SLC25A13: variants seen among roughly 807,000 people sequenced by gnomAD.
The protein encoded by SLC25A13 is solute carrier family 25 member 13.
Under a neutral mutation model 85.5 loss-of-function variants are expected in SLC25A13, and 70 were observed. The observed-to-expected ratio is 0.82, with a 90% CI of 0.68 to 1.00. SLC25A13 has a LOEUF of 1.00. Among genes scored for constraint, SLC25A13 ranks in the 50% least tolerant of loss-of-function variants. SLC25A13 has a pLI of 0.00. For missense variants in SLC25A13, 765 were observed against 819.8 expected (o/e 0.93, Z 0.82); for synonymous variants, 259 against 288.7 (o/e 0.90, Z 1.04).
At chr7:96,270,810 G>A (rs1018967402) in intron 3 of SLC25A13, among the ~76,000 whole-genome samples, 1 of 152,156 alleles carries the variant, frequency 6.6e-6, no homozygotes, top group Admixed American at 6.5e-5. Context: ...TAAATCAAGA[G>A]TTCAGTACGG....
rs755788193 is a variant in SLC25A13 at position 96,209,013 on chromosome 7, T to C, written c.329-36A>G. On this transcript the variant is annotated intron_variant, in intron 4 of 17. Coordinates refer to ENST00000265631, the MANE Select transcript of SLC25A13 (RefSeq NM_014251.3). ...AAAAGACAGGTTGATTAAAACAAAGTAAATGAAGTTCTTTCTGATAAAATC... is the reference window on the plus strand; with the variant it reads ...AAAAGACAGGTTGATTAAAACAAAGCAAATGAAGTTCTTTCTGATAAAATC... 5 of 1,607,552 alleles carry C rather than the reference T, an allele frequency of 3.1e-6. No individual in the cohort carries two copies. In the South Asian group the frequency reaches 5.5e-5, roughly 18 times the overall value.
intron 14 of SLC25A13, among the ~76,000 whole-genome samples, chr7:96,135,858 GTTT>G (rs57884645): frequency 7.5e-5 from 10 of 132,972 alleles, no homozygotes; most frequent in Admixed American, 1.5e-4. Flanking sequence ...TCCTGCTTTG[GTTT>G]TTTTTTTTTT....
chr7:96,240,437 G>A (rs920671816), intron 3 of SLC25A13, among the ~76,000 whole-genome samples: 3 of 152,144 alleles, frequency 2.0e-5, no homozygotes, highest in African/African-American at 4.8e-5. Context: ...CTACATGTTT[G>A]GCAGAGGGCA....
intron 3 of SLC25A13, among the ~76,000 whole-genome samples, chr7:96,258,445 GA>G (rs1219789075): frequency 6.6e-6 from 1 of 152,118 alleles, no homozygotes; most frequent in Non-Finnish European, 1.5e-5. Flanking sequence ...GCCAGATCAT[GA>G]GCAAACTCCC....
At chr7:96,190,831 T>C (rs1794820137) in intron 7 of SLC25A13, among the ~76,000 whole-genome samples, 1 of 152,160 alleles carries the variant, frequency 6.6e-6, no homozygotes, top group Admixed American at 6.5e-5. Flanking sequence ...CAGGCTGGTC[T>C]CGAACTCCTG....
intron 3 of SLC25A13, among the ~76,000 whole-genome samples, chr7:96,240,980 A>AGAGGGGAGGGCAGGG (rs1554363699): frequency 6.9e-5 from 1 of 14,598 alleles, no homozygotes; most frequent in African/African-American, 2.5e-4. Flanking sequence ...AAAGGAGAGG[A>AGAGGGGAGGGCAGGG]GAGGGGAGGG....
At chr7:96,184,506 G>A (rs1374235686) in intron 10 of SLC25A13, 71 bp from the exon 11 acceptor site, 2 of 1,449,606 alleles carry the variant, frequency 1.4e-6, no homozygotes, top group South Asian at 1.2e-5. Context: ...GGTAGTTAAA[G>A]TCAAGGACAA....
At chr7:96,252,443 GA>G (rs1797468660) in intron 3 of SLC25A13, among the ~76,000 whole-genome samples, 2 of 152,192 alleles carry the variant, frequency 1.3e-5, no homozygotes, top group African/African-American at 4.8e-5. Context: ...CCTAGGTCAG[GA>G]CATGTGACAT....
rs767699888 is a variant in SLC25A13, at chr7:96,184,344, C to T, written c.1110G>A (p.Met370Ile). ...RSTGSFVGEL[M>I]YKNSFDCFKK... ...TAAAACAGTCAAAGCTGTTTTTATA[C>T]ATGAGTTCTCCCACAAAAGAGCCAG... The change falls in exon 11 of 18, where the codon ATG becomes ATA. Residue 370 changes from methionine to isoleucine, a missense_variant. Physicochemically the swap from Met to Ile is conservative, Grantham distance 10. Transcript: ENST00000265631. 6.2e-7 allele frequency: 1 copy of T among 1,614,160 alleles called. No individual in the cohort carries two copies.
At chr7:96,241,232 G>A (rs1182986537) in intron 3 of SLC25A13, among the ~76,000 whole-genome samples, 1 of 151,932 alleles carries the variant, frequency 6.6e-6, no homozygotes, top group Admixed American at 6.6e-5. Context: ...CCCACAAGAA[G>A]CAGTTAGAAA....
chr7:96,165,702 A>C (rs1280833175), intron 13 of SLC25A13, among the ~76,000 whole-genome samples: 2 of 152,246 alleles, frequency 1.3e-5, no homozygotes, highest in African/African-American at 4.8e-5. Flanking sequence ...AGACATGCTT[A>C]GAATGAAAAA....
At chr7:96,160,531 C>T (rs1157645464) in intron 13 of SLC25A13, among the ~76,000 whole-genome samples, 1 of 152,224 alleles carries the variant, frequency 6.6e-6, no homozygotes, top group African/African-American at 2.4e-5. Flanking sequence ...GTGAGCACTG[C>T]TTCCTGGCTC....
chr7:96,130,412 T>C (rs1305725193), intron 15 of SLC25A13, among the ~76,000 whole-genome samples: 1 of 152,214 alleles, frequency 6.6e-6, no homozygotes, highest in Non-Finnish European at 1.5e-5. Context: ...GTCTTTCACA[T>C]GGATCCTCTC....
At chr7:96,132,056 A>T (rs1274063451) in intron 14 of SLC25A13, among the ~76,000 whole-genome samples, 175 bp from the exon 15 acceptor site, 1 of 152,182 alleles carries the variant, frequency 6.6e-6, no homozygotes, top group Non-Finnish European at 1.5e-5. Context: ...ATAAATCTAA[A>T]CTTTGTTTTT....
At chr7:96,178,434 G>C (rs1024653154) in intron 11 of SLC25A13, among the ~76,000 whole-genome samples, 1 of 152,130 alleles carries the variant, frequency 6.6e-6, no homozygotes, top group African/African-American at 2.4e-5. Context: ...CTAATAGAGG[G>C]CAGAAGGTAT....
chr7:96,296,804 T>C, intron 2 of SLC25A13, 94 bp downstream of exon 2: 4 of 1,315,500 alleles, frequency 3.0e-6, no homozygotes, highest in Non-Finnish European at 4.4e-6. Flanking sequence ...TTTTTCAAAA[T>C]ATAACAACGA....
intron 2 of SLC25A13, among the ~76,000 whole-genome samples, chr7:96,286,530 T>C (rs796381646): frequency 2.1e-4 from 32 of 152,216 alleles, no homozygotes; most frequent in African/African-American, 7.5e-4. Context: ...AATTCAAACA[T>C]TACCACCTCT....
intron 1 of SLC25A13, among the ~76,000 whole-genome samples, chr7:96,301,864 G>A (rs1415536063): frequency 6.6e-6 from 1 of 152,126 alleles, no homozygotes; most frequent in East Asian, 1.9e-4. Flanking sequence ...CTGGCCTCAA[G>A]TGATCCTTCC....
intron 13 of SLC25A13, among the ~76,000 whole-genome samples, chr7:96,165,670 T>C (rs894262966): frequency 3.9e-5 from 6 of 152,166 alleles, no homozygotes; most frequent in African/African-American, 1.2e-4. Context: ...CTTAGGATAT[T>C]CACAGGTAAT....
Sources: gnomAD v4.1 joint callset for allele counts (sites outside exome capture counted in the v4.1 genomes callset) on GRCh38, gnomAD v4.1.1 for gene constraint, MANE v1.5 for transcripts, NCBI Gene and HGNC (gene_info 2026-07-23, HGNC 2026-07-21) for gene names.